The following HEATR5B variants were observed in gnomAD, a reference collection of about 807,000 sequenced individuals.
HEATR5B encodes the protein HEAT repeat-containing protein 5B.
A neutral mutation model predicts 224.1 loss-of-function variants in HEATR5B; 156 were observed. The observed-to-expected ratio is 0.70, with a 90% confidence interval of 0.61 to 0.80. The LOEUF is 0.80. Among genes scored for constraint, HEATR5B ranks in the 30% least tolerant of loss-of-function variants. HEATR5B has a pLI of 0.00. For missense variants in HEATR5B, 2,323 were observed against 2,535.5 expected (o/e 0.92, Z 1.80); for synonymous variants, 1,027 against 893.0 (o/e 1.15, Z -2.68).
intron 3 of HEATR5B, among the ~76,000 whole-genome samples, chr2:37,077,541 C>T (rs938702181): frequency 6.6e-6 from 1 of 152,226 alleles, no homozygotes; most frequent in African/African-American, 2.4e-5. Flanking sequence ...CTCCTGACCT[C>T]AGGTGATCCG....
At position 37,072,282 on chromosome 2, in the gene HEATR5B, C is replaced by G; in HGVS notation, c.598-1G>C. On this transcript the variant is annotated splice_acceptor_variant, in intron 5 of 35. Coordinates refer to ENST00000233099, the MANE Select transcript of HEATR5B (RefSeq NM_019024.3). LOFTEE classifies it high-confidence loss of function. Reference sequence around the variant, plus strand: ...CTTCATTCTGTAGTTCTAGTAGACACTGGAATTAAAAACAAAAAAGTAAAT... The same window carrying G: ...CTTCATTCTGTAGTTCTAGTAGACAGTGGAATTAAAAACAAAAAAGTAAAT... The G allele has an allele frequency of 6.3e-7, 1 of 1,595,304 alleles. No homozygotes were observed. Among genetic ancestry groups the G allele is most frequent in the Non-Finnish European group, 8.6e-7 (1 of 1,168,216 alleles).
At chr2:37,043,453 T>C (rs1260981485) in intron 18 of HEATR5B, among the ~76,000 whole-genome samples, 1 of 152,236 alleles carries the variant, frequency 6.6e-6, no homozygotes, top group African/African-American at 2.4e-5. Flanking sequence ...TTGAGAAAGT[T>C]AGCCAAAGCT....
chr2:37,069,518 A>T (rs1453827665), intron 7 of HEATR5B, among the ~76,000 whole-genome samples: 6 of 152,218 alleles, frequency 3.9e-5, no homozygotes, highest in South Asian at 2.1e-4. Flanking sequence ...TGGTGATTAA[A>T]CACTGATAGA....
At chr2:37,018,281 T>C (rs557933968) in intron 26 of HEATR5B, among the ~76,000 whole-genome samples, 2 of 152,372 alleles carry the variant, frequency 1.3e-5, no homozygotes, top group South Asian at 4.1e-4. Context: ...TAATAGCCTT[T>C]GCTTTTCTAA....
intron 16 of HEATR5B, among the ~76,000 whole-genome samples, chr2:37,053,815 G>C (rs915067690): frequency 6.6e-6 from 1 of 151,860 alleles, no homozygotes; most frequent in Non-Finnish European, 1.5e-5. Flanking sequence ...AACAAGAAAA[G>C]AGTTTCAATT....
chr2:37,012,699 G>C (rs562202482), intron 27 of HEATR5B, among the ~76,000 whole-genome samples: 5 of 152,260 alleles, frequency 3.3e-5, no homozygotes, highest in African/African-American at 1.2e-4. Flanking sequence ...CTAGGGCGCA[G>C]TTTTAGAGGA....
At chr2:37,000,451 G>T (rs1224107222) in intron 33 of HEATR5B, 135 bp downstream of exon 33, 7 of 677,492 alleles carry the variant, frequency 1.0e-5, no homozygotes, top group Admixed American at 2.6e-5. Context: ...GTTCACATCT[G>T]AAAGATATGA....
intron 25 of HEATR5B, among the ~76,000 whole-genome samples, chr2:37,020,394 C>T (rs1485864341): frequency 6.6e-6 from 1 of 152,192 alleles, no homozygotes; most frequent in East Asian, 1.9e-4. Flanking sequence ...AAACACAAGA[C>T]TGGAAAGCTG....
intron 35 of HEATR5B, among the ~76,000 whole-genome samples, chr2:36,986,728 C>T (rs1272744494): frequency 1.3e-5 from 2 of 152,126 alleles, no homozygotes; most frequent in African/African-American, 2.4e-5. Context: ...AGCAATTCTC[C>T]CGTCCAGTCT....
At chr2:36,982,477 CAATT>C (rs1408706234) in intron 35 of HEATR5B, among the ~76,000 whole-genome samples, 3 of 152,040 alleles carry the variant, frequency 2.0e-5, no homozygotes, top group Non-Finnish European at 4.4e-5. Flanking sequence ...TTTTTTTTAA[CAATT>C]AACCTTTATA....
chr2:37,020,875 C>CA, intron 24 of HEATR5B, 39 bp from the exon 25 acceptor site: 1 of 1,147,462 alleles, frequency 8.7e-7, no homozygotes, highest in Non-Finnish European at 1.2e-6. Flanking sequence ...AAAACTTTTC[C>CA]AAAAATAAGT....
intron 10 of HEATR5B, among the ~76,000 whole-genome samples, chr2:37,063,156 A>G (rs1655312881): frequency 6.6e-6 from 1 of 152,166 alleles, no homozygotes; most frequent in Non-Finnish European, 1.5e-5. Context: ...TGAATGTGGA[A>G]TAATAGTGCT....
chr2:36,990,558 A>C, intron 34 of HEATR5B, 90 bp downstream of exon 34: 1 of 1,211,862 alleles, frequency 8.3e-7, no homozygotes, highest in Non-Finnish European at 1.1e-6. Flanking sequence ...TTAGCTTTTC[A>C]TTATGTATCA....
At chr2:37,058,812 A>C in intron 13 of HEATR5B, 76 bp downstream of exon 13, 1 of 927,618 alleles carries the variant, frequency 1.1e-6, no homozygotes, top group Non-Finnish European at 1.6e-6. Flanking sequence ...TTCTAGAAGA[A>C]AGCACAAAAT....
intron 35 of HEATR5B, among the ~76,000 whole-genome samples, chr2:36,986,787 T>G (rs1045227892): frequency 6.6e-6 from 1 of 152,110 alleles, no homozygotes; most frequent in Non-Finnish European, 1.5e-5. Context: ...TGGCTAATTT[T>G]TGTACTTTTA....
Position 37,019,961 on chromosome 2 carries a change from T to C in HEATR5B, c.4036-84A>G. On this transcript the variant is annotated intron_variant, in intron 25 of 35. Transcript: ENST00000233099. ...CTCTATCACCCAGGCTGGAGTGCAG[T>C]GGTGCGATCTCGGCTCATTGCAACC... The C allele has an allele frequency of 2.1e-6, 2 of 936,354 alleles. 1 individual carries two copies. Among genetic ancestry groups the C allele is most frequent in the South Asian group, 2.8e-5 (2 of 70,190 alleles). 58.0% of individuals were successfully genotyped at this position (936,354 alleles called of 1,614,324 possible).
At chr2:37,060,023 A>C (rs563404772) in intron 12 of HEATR5B, among the ~76,000 whole-genome samples, 32 of 152,278 alleles carry the variant, frequency 2.1e-4, no homozygotes, top group African/African-American at 7.7e-4. Flanking sequence ...GGTACATCCA[A>C]TGTCATTCTA....
At chr2:37,065,644 G>C (rs1043141718) in intron 9 of HEATR5B, 111 bp downstream of exon 9, 54 of 915,824 alleles carry the variant, frequency 5.9e-5, no homozygotes, top group Non-Finnish European at 8.9e-5. Context: ...AAAACCTGAT[G>C]ATCTGAAGTG....
At chr2:37,004,212 T>C (rs773390770) in intron 30 of HEATR5B, among the ~76,000 whole-genome samples, 3 of 152,058 alleles carry the variant, frequency 2.0e-5, no homozygotes, top group Non-Finnish European at 4.4e-5. Flanking sequence ...AAGACTTAAC[T>C]GCAACCAAAG....
Sources: allele counts gnomAD v4.1 joint callset (sites outside exome capture counted in the v4.1 genomes callset), GRCh38; gene constraint gnomAD v4.1.1; transcripts MANE v1.5; gene names NCBI Gene and HGNC (gene_info 2026-07-23, HGNC 2026-07-21).